Variants in ADAMTSL1 observed in about 807,000 individuals in gnomAD.
ADAMTSL1 encodes the protein ADAMTS-like protein 1.
Under a neutral mutation model 201.8 loss-of-function variants are expected in ADAMTSL1, and 126 were observed. The observed-to-expected ratio is 0.62, with a 90% CI of 0.54 to 0.72. The LOEUF (loss-of-function observed/expected upper bound fraction) is 0.72. Among genes scored for constraint, ADAMTSL1 ranks in the 30% least tolerant of loss-of-function variants. The pLI is 0.00. For missense variants in ADAMTSL1, 2,679 were observed against 2,277.8 expected, an observed-to-expected ratio of 1.18 and a Z score of -3.59; for synonymous variants, 1,121 against 903.4, an observed-to-expected ratio of 1.24 and a Z score of -4.32.
At chr9:18,418,563 G>A (rs991478064) in intron 2 of ADAMTSL1, among the ~76,000 whole-genome samples, 1 of 151,926 alleles carries the variant, frequency 6.6e-6, no homozygotes, top group African/African-American at 2.4e-5. Context: ...TATTTCAATT[G>A]GTAAATGAAA....
intron 1 of ADAMTSL1, among the ~76,000 whole-genome samples, chr9:18,063,467 T>A (rs1321595011): frequency 2.0e-5 from 3 of 152,254 alleles, no homozygotes; most frequent in African/African-American, 7.2e-5. Context: ...TTAAATCTCT[T>A]TCCTCTTTTA....
intron 1 of ADAMTSL1, among the ~76,000 whole-genome samples, chr9:17,998,343 G>T (rs1230670826): frequency 2.6e-5 from 4 of 152,006 alleles, no homozygotes; most frequent in African/African-American, 9.7e-5. Flanking sequence ...CATGTAAAAG[G>T]AGATAAAGGG....
chr9:18,784,094 A>C (rs1821560865), intron 19 of ADAMTSL1, among the ~76,000 whole-genome samples: 1 of 152,172 alleles, frequency 6.6e-6, no homozygotes, highest in African/African-American at 2.4e-5. Flanking sequence ...TCAGCAGTAC[A>C]CAAATACTTG....
At chr9:18,237,103 A>G (rs535701661) in intron 2 of ADAMTSL1, among the ~76,000 whole-genome samples, 2 of 152,326 alleles carry the variant, frequency 1.3e-5, no homozygotes, top group East Asian at 1.9e-4. Flanking sequence ...CAATAAACAA[A>G]CATCACTAAT....
At chr9:18,248,072 G>A (rs1702715270) in intron 2 of ADAMTSL1, among the ~76,000 whole-genome samples, 1 of 152,092 alleles carries the variant, frequency 6.6e-6, no homozygotes, top group African/African-American at 2.4e-5. Flanking sequence ...GTGTATTTTA[G>A]TTACCAGGAA....
chr9:18,204,592 T>C (rs192696464), intron 2 of ADAMTSL1, among the ~76,000 whole-genome samples: 1 of 152,302 alleles, frequency 6.6e-6, no homozygotes, highest in East Asian at 1.9e-4. Context: ...AGCATGTTTA[T>C]TGACACAGGT....
At chr9:18,498,740 G>A (rs1297775813) in intron 1 of ADAMTSL1, among the ~76,000 whole-genome samples, 1 of 152,176 alleles carries the variant, frequency 6.6e-6, no homozygotes, top group South Asian at 2.1e-4. Flanking sequence ...TCTAAAGTCT[G>A]TGCTCTTTCT....
intron 20 of ADAMTSL1, among the ~76,000 whole-genome samples, chr9:18,813,705 T>C (rs1823655328): frequency 6.6e-6 from 1 of 152,212 alleles, no homozygotes; most frequent in Non-Finnish European, 1.5e-5. Context: ...GTTCTAACAA[T>C]TTTTTAGTAA....
chr9:18,042,265 T>C (rs1046302869), intron 1 of ADAMTSL1, among the ~76,000 whole-genome samples: 1 of 152,106 alleles, frequency 6.6e-6, no homozygotes, highest in Non-Finnish European at 1.5e-5. Context: ...TTAGGGAAAA[T>C]TGCTTAATTT....
At chr9:18,876,325 TGTGTGC>T (rs907966814) in intron 23 of ADAMTSL1, among the ~76,000 whole-genome samples, 12 of 151,456 alleles carry the variant, frequency 7.9e-5, no homozygotes, top group Non-Finnish European at 1.3e-4. Context: ...TGTGTGTGTG[TGTGTGC>T]GTGATTGTTT....
Position 18,527,482 on chromosome 9 carries a change from C to G in ADAMTSL1, c.192-5765C>G, listed in dbSNP as rs79130208. ...AGGAGCGATAAATCAAATGCATGCC[C>G]CTTTTTAAAAAGGCTTATATGAGAA... On this transcript the variant is annotated intron_variant, in intron 2 of 28. Transcript: ENST00000380548. Among the ~76,000 whole-genome samples the G allele has an allele frequency of 2.6e-5, 4 of 152,128 alleles. No homozygotes were observed. In the East Asian group the frequency reaches 7.7e-4, roughly 29 times the overall value.
chr9:18,236,531 C>A (rs1317584485), intron 2 of ADAMTSL1, among the ~76,000 whole-genome samples: 1 of 152,194 alleles, frequency 6.6e-6, no homozygotes, highest in African/African-American at 2.4e-5. Flanking sequence ...AAACCTGCTT[C>A]CCTTTCCTGT....
At chr9:18,649,774 C>T (rs892737184) in intron 7 of ADAMTSL1, among the ~76,000 whole-genome samples, 9 of 151,978 alleles carry the variant, frequency 5.9e-5, no homozygotes, top group East Asian at 5.8e-4. Flanking sequence ...AGTACCCCGC[C>T]GTGTGAGGTG....
At chr9:17,938,549 C>G (rs1224848499) in intron 1 of ADAMTSL1, among the ~76,000 whole-genome samples, 1 of 152,102 alleles carries the variant, frequency 6.6e-6, no homozygotes, top group Non-Finnish European at 1.5e-5. Flanking sequence ...ATAATTTGTT[C>G]CACTAGCTGC....
At chr9:18,587,548 A>G (rs1299243575) in intron 4 of ADAMTSL1, among the ~76,000 whole-genome samples, 2 of 152,094 alleles carry the variant, frequency 1.3e-5, no homozygotes, top group Non-Finnish European at 2.9e-5. Flanking sequence ...TTGTCACTAT[A>G]ATTTTCCCCA....
Position 18,603,529 on chromosome 9 carries a change from G to A in ADAMTSL1, c.475-18714G>A, listed in dbSNP as rs115715624. ...TTTTGTCCACATCTTGTTAGAAAGA[G>A]GCCATAGGACCAGCTGGTATTTAGG... On this transcript the variant is annotated intron_variant, in intron 4 of 28. Transcript: ENST00000380548. Among the ~76,000 whole-genome samples, 1,358 of 152,264 alleles carry A rather than the reference G, an allele frequency of 8.9e-3. 19 individuals are homozygous for A. Among genetic ancestry groups the A allele is most frequent in the African/African-American group, 0.031 (1,296 of 41,538 alleles).
chr9:18,170,884 T>C (rs1047389561), intron 2 of ADAMTSL1, among the ~76,000 whole-genome samples: 2 of 152,072 alleles, frequency 1.3e-5, no homozygotes, highest in Admixed American at 6.6e-5. Context: ...TCTGTGTTAG[T>C]GTTTATATTT....
chr9:18,144,494 C>A (rs1826544429), intron 1 of ADAMTSL1, among the ~76,000 whole-genome samples: 1 of 152,238 alleles, frequency 6.6e-6, no homozygotes, highest in South Asian at 2.1e-4. Flanking sequence ...GCACGAGCCA[C>A]CACACCTGGC....
intron 2 of ADAMTSL1, among the ~76,000 whole-genome samples, chr9:18,273,786 T>G (rs1832479170): frequency 6.6e-6 from 1 of 152,212 alleles, no homozygotes. Context: ...ATGGACAAAA[T>G]GTAATGTGAA....
Sources: allele counts gnomAD v4.1 joint callset (sites outside exome capture counted in the v4.1 genomes callset), GRCh38; gene constraint gnomAD v4.1.1; transcripts MANE v1.5; gene names NCBI Gene and HGNC (gene_info 2026-07-23, HGNC 2026-07-21).